PLEKHA5: variants seen among roughly 807,000 people sequenced by gnomAD.
The protein encoded by PLEKHA5 is pleckstrin homology domain-containing family A member 5.
PLEKHA5 carries 55 observed loss-of-function variants against 181.9 expected under a neutral mutation model. The ratio of observed to expected loss-of-function variants is 0.30; its 90% confidence interval spans 0.24 to 0.38. The LOEUF is 0.38. Ranked by LOEUF, PLEKHA5 falls within the 10% of genes least tolerant of loss-of-function variation. The probability of loss-of-function intolerance (pLI) is 1.00; values close to 1 mark genes in which losing one functional copy is unlikely to be tolerated. For missense variants in PLEKHA5, 1,432 were observed against 1,549.5 expected, an observed-to-expected ratio of 0.92 and a Z score of 1.27; for synonymous variants, 535 against 529.4, an observed-to-expected ratio of 1.01 and a Z score of -0.15.
Position 19,253,693 on chromosome 12 carries a change from G to A in PLEKHA5, c.228-247G>A, listed in dbSNP as rs181747035. On this transcript the variant is annotated intron_variant, in intron 3 of 31. Transcript: ENST00000429027. ...ATTAACTGGGCGCGTGATGGTGGGC[G>A]CCTATAATCCAAGCTACTTGGGAGG... 5.7e-3 allele frequency among the ~76,000 whole-genome samples: 862 copies of A among 151,864 alleles called. 8 individuals carry two copies. The highest frequency in any genetic ancestry group is 0.02 in the African/African-American group (811 of 41,392).
chr12:19,347,012 C>T lies in PLEKHA5; in HGVS notation c.2728C>T (p.Pro910Ser). 6.5e-7 allele frequency: 1 copy of T among 1,549,560 alleles called. No individual in the cohort carries two copies. Among genetic ancestry groups the T allele is most frequent in the Non-Finnish European group, 8.7e-7 (1 of 1,145,706 alleles). The part of the protein sequence containing the change: ...YKNEEEEVVP[P>S]RPPLPRSYDF... ...TCTTTAGGAAGAGGAAGTAGTCCCA[C>T]CTCGTCCTCCACTTCCTCGGTCCTA... is the stretch of plus-strand genomic sequence containing the variant. The change falls in exon 24 of 32, where the codon CCT becomes TCT. Residue 910 changes from proline (P) to serine (S), a missense_variant. Physicochemically the swap from Pro to Ser is moderately conservative, Grantham distance 74. Coordinates refer to ENST00000429027, the MANE Select transcript of PLEKHA5 (RefSeq NM_001256470.2).
chr12:19,140,009 A>G (rs548385169), intron 3 of PLEKHA5, among the ~76,000 whole-genome samples: 2 of 152,230 alleles, frequency 1.3e-5, no homozygotes, highest in Admixed American at 1.3e-4. Flanking sequence ...TTTAATGATT[A>G]TCTCAGTCCC....
intron 30 of PLEKHA5, among the ~76,000 whole-genome samples, chr12:19,366,332 A>G (rs1344716): frequency 0.91 from 138,922 of 152,112 alleles, 64,285 homozygotes; most frequent in Non-Finnish European, 1. Context: ...TTTTCCTTTC[A>G]ATTTTAACAC....
intron 3 of PLEKHA5, among the ~76,000 whole-genome samples, chr12:19,168,212 C>T (rs1489016086): frequency 2.6e-5 from 4 of 152,132 alleles, no homozygotes; most frequent in Non-Finnish European, 5.9e-5. Context: ...GAAGGAATCA[C>T]CTTCTGGCTG....
chr12:19,241,371 T>C (rs2062557898), intron 3 of PLEKHA5, among the ~76,000 whole-genome samples: 2 of 152,310 alleles, frequency 1.3e-5, no homozygotes, highest in South Asian at 4.1e-4. Context: ...TGAAGAGTCT[T>C]GTTACAATGA....
intron 16 of PLEKHA5, among the ~76,000 whole-genome samples, chr12:19,317,744 C>T (rs970673674): frequency 4.0e-5 from 6 of 151,402 alleles, no homozygotes; most frequent in African/African-American, 1.2e-4. Context: ...TAAATGGTTC[C>T]GACATCCTAA....
At chr12:19,220,358 T>G (rs367624436) in intron 3 of PLEKHA5, among the ~76,000 whole-genome samples, 32 of 152,258 alleles carry the variant, frequency 2.1e-4, no homozygotes, top group African/African-American at 7.7e-4. Context: ...AGAAAAGTTA[T>G]CAGTTAACTG....
chr12:19,362,525 C>T (rs1379759866), intron 29 of PLEKHA5, among the ~76,000 whole-genome samples: 1 of 152,010 alleles, frequency 6.6e-6, no homozygotes, highest in Admixed American at 6.6e-5. Context: ...CAGAGTGAGA[C>T]TCCATCTCAA....
At chr12:19,240,697 C>T (rs1285804014) in intron 3 of PLEKHA5, among the ~76,000 whole-genome samples, 1 of 151,550 alleles carries the variant, frequency 6.6e-6, no homozygotes, top group African/African-American at 2.4e-5. Flanking sequence ...GCCTCAAACT[C>T]CTGGCCTAAA....
At chr12:19,336,249 A>G (rs937643477) in intron 20 of PLEKHA5, among the ~76,000 whole-genome samples, 1 of 152,238 alleles carries the variant, frequency 6.6e-6, no homozygotes, top group Admixed American at 6.5e-5. Context: ...ATTCATGGAG[A>G]ACTTTTAATG....
intron 12 of PLEKHA5, among the ~76,000 whole-genome samples, chr12:19,286,979 A>G (rs2077351393): frequency 6.6e-6 from 1 of 151,602 alleles, no homozygotes; most frequent in Non-Finnish European, 1.5e-5. Context: ...AACAAAAAAA[A>G]AAAGAATTAC....
intron 3 of PLEKHA5, among the ~76,000 whole-genome samples, chr12:19,194,697 T>G (rs1300163399): frequency 6.6e-6 from 1 of 152,166 alleles, no homozygotes; most frequent in African/African-American, 2.4e-5. Flanking sequence ...AATTGAATAT[T>G]GAAATTTCTG....
intron 3 of PLEKHA5, among the ~76,000 whole-genome samples, chr12:19,174,554 C>T (rs1403936597): frequency 6.6e-6 from 1 of 152,054 alleles, no homozygotes; most frequent in African/African-American, 2.4e-5. Flanking sequence ...ATTGCGAGCT[C>T]TTAGAGGCGT....
At chr12:19,144,537 A>G (rs2038362986) in intron 3 of PLEKHA5, among the ~76,000 whole-genome samples, 1 of 152,198 alleles carries the variant, frequency 6.6e-6, no homozygotes, top group Admixed American at 6.5e-5. Context: ...ATGTAAGTCA[A>G]AGTCAGATGT....
At chr12:19,253,857 T>TTA in intron 3 of PLEKHA5, 83 bp from the exon 4 acceptor site, 1 of 879,084 alleles carries the variant, frequency 1.1e-6, no homozygotes, top group South Asian at 1.5e-5. Flanking sequence ...TGAATTTCAT[T>TTA]TCCTTTGTAG....
chr12:19,292,192 G>T (rs1302567440), intron 15 of PLEKHA5, among the ~76,000 whole-genome samples: 1 of 152,102 alleles, frequency 6.6e-6, no homozygotes, highest in African/African-American at 2.4e-5. Flanking sequence ...GCTCACTGGA[G>T]GCCAGGAGTT....
At chr12:19,265,596 G>C (rs2070085440) in intron 7 of PLEKHA5, among the ~76,000 whole-genome samples, 154 bp from the exon 8 acceptor site, 1 of 152,078 alleles carries the variant, frequency 6.6e-6, no homozygotes, top group African/African-American at 2.4e-5. Flanking sequence ...TGTGCTATTT[G>C]ATATTTTCAT....
chr12:19,291,768 G>C (rs941097120), intron 15 of PLEKHA5, 71 bp downstream of exon 15: 2 of 772,946 alleles, frequency 2.6e-6, no homozygotes, highest in Non-Finnish European at 4.1e-6. Flanking sequence ...AGTTTTTCAG[G>C]CTTCTCAGCT....
chr12:19,308,812 C>T (rs566695338), intron 15 of PLEKHA5, among the ~76,000 whole-genome samples: 32 of 151,954 alleles, frequency 2.1e-4, no homozygotes, highest in African/African-American at 5.3e-4. Flanking sequence ...TTTGGGAGGC[C>T]GAAGGGGGGC....
Sources: allele counts gnomAD v4.1 joint callset (sites outside exome capture counted in the v4.1 genomes callset), GRCh38; gene constraint gnomAD v4.1.1; transcripts MANE v1.5; gene names NCBI Gene and HGNC (gene_info 2026-07-23, HGNC 2026-07-21).